The following VWF variants were observed in gnomAD, a reference collection of about 807,000 sequenced individuals.
VWF encodes Factor VIII related antigen.
In VWF, 176 loss-of-function variants were observed where a neutral mutation model predicts 308.6. The ratio of observed to expected loss-of-function variants is 0.57; its 90% CI spans 0.50 to 0.65. VWF has a LOEUF of 0.65. VWF is among the 30% of genes least tolerant of loss of function. The pLI is 0.00. For synonymous variants in VWF, 1,385 were observed against 1,443.4 expected, an observed-to-expected ratio of 0.96 and a Z score of 0.92; for missense variants, 3,146 against 3,648.2, an observed-to-expected ratio of 0.86 and a Z score of 3.55.
At chr12:6,090,806 C>G (rs1464666705) in intron 6 of VWF, among the ~76,000 whole-genome samples, 1 of 152,210 alleles carries the variant, frequency 6.6e-6, no homozygotes, top group Non-Finnish European at 1.5e-5. Context: ...CCCAGATTCA[C>G]AAAGCCAGTA....
At position 6,005,944 on chromosome 12, in the gene VWF, A is replaced by T. The variant is rs373623003; in HGVS notation, c.5842+5673T>A. Among the ~76,000 whole-genome samples the T allele has an allele frequency of 7.9e-5, 12 of 151,954 alleles. No homozygotes were observed. In the East Asian group the frequency reaches 2.1e-3, roughly 27 times the overall value. On this transcript the variant is annotated intron_variant, in intron 34 of 51. Transcript: ENST00000261405. ...AAAGGTAAAATTCCTGGTAAAGGTA[A>T]ATATATAAACAAATATAGAATATTT...
intron 8 of VWF, 40 bp from the exon 9 acceptor site, chr12:6,072,482 C>A: frequency 1.3e-6 from 2 of 1,498,018 alleles, no homozygotes; most frequent in South Asian, 2.3e-5. Flanking sequence ...TCAACATTGT[C>A]ATTGCGTCAC....
intron 18 of VWF, among the ~76,000 whole-genome samples, chr12:6,042,103 C>G (rs1199986448): frequency 6.6e-6 from 1 of 152,150 alleles, no homozygotes; most frequent in Non-Finnish European, 1.5e-5. Flanking sequence ...GACTGGGCTT[C>G]CGGTAAAGAC....
chr12:5,950,044 T>C (rs1056645082), intron 50 of VWF, among the ~76,000 whole-genome samples, 161 bp from the exon 51 acceptor site: 3 of 152,242 alleles, frequency 2.0e-5, no homozygotes, highest in Non-Finnish European at 4.4e-5. Context: ...TCACCTCAGC[T>C]GTTCCTGGCC....
At chr12:6,065,059 G>A in intron 11 of VWF, 78 bp downstream of exon 11, 1 of 1,604,128 alleles carries the variant, frequency 6.2e-7, no homozygotes, top group Non-Finnish European at 8.5e-7. Context: ...ACGCCTTCCA[G>A]GGACTGCCCA....
chr12:6,033,469 G>A (rs890415925), intron 20 of VWF, among the ~76,000 whole-genome samples: 4 of 152,238 alleles, frequency 2.6e-5, no homozygotes, highest in African/African-American at 7.2e-5. Flanking sequence ...TTGCTGCACT[G>A]AATTAATTTT....
intron 5 of VWF, among the ~76,000 whole-genome samples, chr12:6,106,574 G>A (rs1357926879): frequency 6.6e-6 from 1 of 151,994 alleles, no homozygotes; most frequent in Non-Finnish European, 1.5e-5. Flanking sequence ...CATAAAAATG[G>A]TTAAGATAAT....
chr12:6,079,377 C>A (rs1397028471), intron 6 of VWF, among the ~76,000 whole-genome samples: 1 of 152,072 alleles, frequency 6.6e-6, no homozygotes, highest in South Asian at 2.1e-4. Context: ...GAGGCCAAGG[C>A]GGGCGGATCA....
At chr12:6,036,798 A>G (rs1258499930) in intron 18 of VWF, among the ~76,000 whole-genome samples, 1 of 152,204 alleles carries the variant, frequency 6.6e-6, no homozygotes, top group Non-Finnish European at 1.5e-5. Flanking sequence ...TAACCTGGAC[A>G]TTTTTGCAAA....
chr12:6,001,574 C>T (rs2062877605), intron 34 of VWF, among the ~76,000 whole-genome samples: 1 of 152,166 alleles, frequency 6.6e-6, no homozygotes, highest in Admixed American at 6.5e-5. Context: ...AATATCTATG[C>T]ACCAGACAAC....
intron 16 of VWF, among the ~76,000 whole-genome samples, chr12:6,051,997 G>T (rs1944519584): frequency 6.6e-6 from 1 of 152,172 alleles, no homozygotes; most frequent in Middle Eastern, 3.2e-3. Context: ...ATGTCCTGTT[G>T]TAAATTTCTT....
intron 34 of VWF, among the ~76,000 whole-genome samples, chr12:5,997,735 A>G (rs577041084): frequency 9.9e-5 from 15 of 152,226 alleles, no homozygotes; most frequent in Non-Finnish European, 1.8e-4. Flanking sequence ...TATTGTAGGT[A>G]TAGTAAAACT....
intron 6 of VWF, among the ~76,000 whole-genome samples, chr12:6,081,285 T>C (rs1944907514): frequency 6.6e-6 from 1 of 152,120 alleles, no homozygotes; most frequent in African/African-American, 2.4e-5. Context: ...CTTTCAGATT[T>C]AGAAACTGAA....
intron 34 of VWF, among the ~76,000 whole-genome samples, chr12:6,000,490 T>C (rs1332638573): frequency 6.6e-6 from 1 of 152,168 alleles, no homozygotes; most frequent in African/African-American, 2.4e-5. Flanking sequence ...AATGGAATTC[T>C]GTACACATAA....
At chr12:6,064,593 G>A (rs969798447) in intron 11 of VWF, among the ~76,000 whole-genome samples, 2 of 152,174 alleles carry the variant, frequency 1.3e-5, no homozygotes, top group Admixed American at 6.5e-5. Flanking sequence ...CCTTGCACAC[G>A]CCTTCTCCCA....
chr12:6,064,118 TA>T, intron 12 of VWF, 127 bp downstream of exon 12: 2 of 1,490,038 alleles, frequency 1.3e-6, no homozygotes, highest in South Asian at 2.4e-5. Flanking sequence ...CCTCCAAAAA[TA>T]ACTCTCCATC....
At position 6,072,359 on chromosome 12, in the gene VWF, T is replaced by G. The variant is rs1591900254; in HGVS notation, c.1081A>C (p.Thr361Pro). 2.5e-6 allele frequency: 4 copies of G among 1,613,430 alleles called. No individual in the cohort carries two copies. In the Admixed American group the frequency reaches 6.7e-5, roughly 27 times the overall value. ...GTGTTGCAGTCTCGAGAGAGGGAGG[T>G]GCCGGGAGGGTAGCGCTTTCCGGAA... ...VHSGKRYPPGTSLSRDCNTCI... is the reference protein window; with the variant it reads ...VHSGKRYPPGPSLSRDCNTCI... The change falls in exon 9 of 52, where the codon ACC becomes CCC. Residue 361 changes from threonine (T) to proline (P), a missense_variant. Thr to Pro is a conservative substitution (Grantham distance 38). Around this residue, in one of 3 missense-constraint regions of VWF, gnomAD observed 1,304 missense variants for 1,353.0 expected, o/e 0.96. Coordinates refer to ENST00000261405, the MANE Select transcript of VWF (RefSeq NM_000552.5).
intron 3 of VWF, among the ~76,000 whole-genome samples, chr12:6,111,680 G>A (rs1225785739): frequency 1.3e-5 from 2 of 151,962 alleles, no homozygotes; most frequent in East Asian, 1.9e-4. Flanking sequence ...GTCGAGTGCG[G>A]TGGCTCACGC....
intron 5 of VWF, among the ~76,000 whole-genome samples, chr12:6,103,488 ATG>A (rs1222455428): frequency 7.7e-6 from 1 of 129,192 alleles, no homozygotes; most frequent in Non-Finnish European, 1.6e-5. Context: ...ATATACATAT[ATG>A]TGTATACACA....
Sources: gnomAD v4.1 joint callset for allele counts (sites outside exome capture counted in the v4.1 genomes callset) on GRCh38, gnomAD v4.1.1 for gene constraint, gnomAD v4.1.1 regional missense constraint, MANE v1.5 for transcripts, NCBI Gene and HGNC (gene_info 2026-07-23, HGNC 2026-07-21) for gene names.